USP48: variants seen among roughly 807,000 people sequenced by gnomAD.
The protein encoded by USP48 is ubiquitin carboxyl-terminal hydrolase 48.
USP48 carries 43 observed loss-of-function variants against 150.7 expected under a neutral mutation model. That is an observed-to-expected ratio of 0.29 (90% CI 0.22 to 0.37). USP48 has a LOEUF of 0.37. Among genes scored for constraint, USP48 ranks in the 10% least tolerant of loss-of-function variants. The pLI, the probability that USP48 is intolerant of heterozygous loss-of-function variation, is 1.00. For missense variants in USP48, 813 were observed against 1,249.6 expected (o/e 0.65, Z 5.27); for synonymous variants, 396 against 425.9 (o/e 0.93, Z 0.86).
At chr1:21,740,134 C>T (rs2097778147) in intron 8 of USP48, among the ~76,000 whole-genome samples, 1 of 152,220 alleles carries the variant, frequency 6.6e-6, no homozygotes, top group Non-Finnish European at 1.5e-5. Context: ...TGGTCTTGAA[C>T]TCCCAAACTC....
intron 8 of USP48, among the ~76,000 whole-genome samples, chr1:21,737,379 T>C (rs2097771029): frequency 6.6e-6 from 1 of 152,232 alleles, no homozygotes; most frequent in African/African-American, 2.4e-5. Flanking sequence ...GATACTGCAC[T>C]CAGATTTCTT....
chr1:21,724,277 A>G, intron 11 of USP48, 182 bp from the exon 12 acceptor site: 1 of 654,480 alleles, frequency 1.5e-6, no homozygotes, highest in South Asian at 1.9e-5. Flanking sequence ...TGCCACTCCT[A>G]TGAGTTCAAG....
At chr1:21,708,304 GC>G (rs1347784282) in intron 15 of USP48, among the ~76,000 whole-genome samples, 3 of 152,150 alleles carry the variant, frequency 2.0e-5, no homozygotes, top group Non-Finnish European at 4.4e-5. Flanking sequence ...TTTGAAACCA[GC>G]CTGGCCAACA....
intron 17 of USP48, 123 bp from the exon 18 acceptor site, chr1:21,706,310 T>C (rs2097672473): frequency 1.3e-6 from 2 of 1,482,852 alleles, no homozygotes; most frequent in African/African-American, 1.4e-5. Flanking sequence ...CACAGTCCTC[T>C]ACCAAAAAAT....
chr1:21,696,204 C>G (rs906976341), intron 22 of USP48, among the ~76,000 whole-genome samples: 1 of 151,974 alleles, frequency 6.6e-6, no homozygotes, highest in South Asian at 2.1e-4. Context: ...TCTGGGAGGC[C>G]GAAGTGGGCA....
chr1:21,706,290 A>C (rs1030354600), intron 17 of USP48, 103 bp from the exon 18 acceptor site: 325 of 1,509,984 alleles, frequency 2.2e-4, no homozygotes, highest in Middle Eastern at 5.2e-4. Flanking sequence ...TTTTATAAAT[A>C]AAATGAAAAC....
At chr1:21,742,067 CTAGT>C (rs2097783158) in intron 8 of USP48, among the ~76,000 whole-genome samples, 1 of 152,094 alleles carries the variant, frequency 6.6e-6, no homozygotes, top group Non-Finnish European at 1.5e-5. Context: ...GTTATAATTT[CTAGT>C]TAATTATTAG....
intron 15 of USP48, 78 bp downstream of exon 15, chr1:21,715,311 G>A: frequency 8.9e-7 from 1 of 1,119,838 alleles, no homozygotes; most frequent in Non-Finnish European, 1.3e-6. Context: ...GAGAGATACT[G>A]GCATGAAAGC....
In USP48 at chr1:21,704,357, A is replaced by T; in HGVS notation, c.2420T>A (p.Ile807Lys). Residue 807 changes from isoleucine to lysine, a missense_variant, in exon 20 of 27, where the codon ATA becomes AAA. Ile to Lys is a moderately radical substitution (Grantham distance 102). Coordinates refer to ENST00000308271, the MANE Select transcript of USP48 (RefSeq NM_032236.8). ...ATGATCCACAACAAAGAGCTTTTGT[A>T]TCATTTGCCACTCACTGGGCCATAT... ...ALIWPSEWQM[I>K]QKLFVVDHVI... 1 of 1,613,820 alleles carries T rather than the reference A, an allele frequency of 6.2e-7. No individual in the cohort carries two copies. The highest frequency in any genetic ancestry group is 8.5e-7 in the Non-Finnish European group (1 of 1,179,864).
At chr1:21,715,308 A>G (rs1297459010) in intron 15 of USP48, 81 bp downstream of exon 15, 3 of 1,072,812 alleles carry the variant, frequency 2.8e-6, no homozygotes, top group African/African-American at 3.3e-5. Flanking sequence ...TGTGAGAGAT[A>G]CTGGCATGAA....
intron 15 of USP48, among the ~76,000 whole-genome samples, chr1:21,714,660 T>C (rs1274521508): frequency 6.6e-6 from 1 of 152,104 alleles, no homozygotes; most frequent in African/African-American, 2.4e-5. Flanking sequence ...GAATAGAAAA[T>C]TATGCCTAAT....
intron 15 of USP48, among the ~76,000 whole-genome samples, chr1:21,712,017 C>G (rs979664973): frequency 6.6e-6 from 1 of 152,194 alleles, no homozygotes. Context: ...ACTTACTCAT[C>G]AGTAGAATGG....
At position 21,751,500 on chromosome 1, in the gene USP48, T is replaced by A; in HGVS notation, c.774+7A>T. ...CAGGAACAATACATACACCAAAATT[T>A]GAATACCTTCAAAAATTCCGAGATA... On this transcript the variant is annotated splice_region_variant and intron_variant, in intron 6 of 26. Coordinates refer to ENST00000308271, the MANE Select transcript of USP48 (RefSeq NM_032236.8). 6.2e-7 allele frequency: 1 copy of A among 1,608,874 alleles called. No homozygotes were observed. Among genetic ancestry groups the A allele is most frequent in the Non-Finnish European group, 8.5e-7 (1 of 1,175,820 alleles).
intron 11 of USP48, among the ~76,000 whole-genome samples, chr1:21,725,471 G>A (rs2097733988): frequency 6.6e-6 from 1 of 152,160 alleles, no homozygotes; most frequent in Admixed American, 6.5e-5. Context: ...GGAGACCTTG[G>A]CTGGGCATGG....
intron 8 of USP48, 62 bp from the exon 9 acceptor site, chr1:21,736,687 C>A: frequency 1.5e-6 from 2 of 1,306,360 alleles, no homozygotes; most frequent in South Asian, 2.2e-5. Context: ...ATATCCTGAG[C>A]CTGAATTGTA....
intron 21 of USP48, among the ~76,000 whole-genome samples, chr1:21,702,822 G>A (rs994285433): frequency 1.3e-5 from 2 of 152,146 alleles, no homozygotes; most frequent in South Asian, 2.1e-4. Context: ...CCTCAGTCAC[G>A]CTAGCCACAT....
intron 9 of USP48, among the ~76,000 whole-genome samples, chr1:21,734,074 G>C (rs2097763179): frequency 6.6e-6 from 1 of 152,218 alleles, no homozygotes; most frequent in Admixed American, 6.5e-5. Context: ...CGAGATTGCT[G>C]AAGTTCTATA....
At position 21,748,241 on chromosome 1, in the gene USP48, A is replaced by G; in HGVS notation, c.805T>C (p.Phe269Leu). 1 of 1,613,348 alleles carries G rather than the reference A, an allele frequency of 6.2e-7. No homozygotes were observed. Among genetic ancestry groups the G allele is most frequent in the Non-Finnish European group, 8.5e-7 (1 of 1,179,760 alleles). ...TGTTTGCTTTGACAGTTCTCGCAAAAATAGCGATTGTCTCCTTCTAATTTT... is the reference window on the plus strand; with the variant it reads ...TGTTTGCTTTGACAGTTCTCGCAAAGATAGCGATTGTCTCCTTCTAATTTT... Reference protein sequence around the residue: ...EEKLEGDNRYFCENCQSKQNA... With the variant: ...EEKLEGDNRYLCENCQSKQNA... Residue 269 changes from phenylalanine to leucine, a missense_variant, in exon 7 of 27, where the codon TTT (phenylalanine) becomes CTT (leucine). By Grantham distance (22) the Phe-to-Leu change is conservative. Coordinates refer to ENST00000308271, the MANE Select transcript of USP48 (RefSeq NM_032236.8).
At chr1:21,777,688 G>A (rs115833348) in intron 1 of USP48, among the ~76,000 whole-genome samples, 3,100 of 151,968 alleles carry the variant, frequency 0.02, 41 homozygotes, top group Middle Eastern at 0.048. Context: ...ATAAGAAGGC[G>A]GAGAAGAAGA....
Sources: allele counts gnomAD v4.1 joint callset (sites outside exome capture counted in the v4.1 genomes callset), GRCh38; gene constraint gnomAD v4.1.1; transcripts MANE v1.5; gene names NCBI Gene and HGNC (gene_info 2026-07-23, HGNC 2026-07-21).